The following OSBPL10 variants were observed in gnomAD, a reference collection of about 807,000 sequenced individuals.
The protein encoded by OSBPL10 is oxysterol binding protein like 10.
A neutral mutation model predicts 81.7 loss-of-function variants in OSBPL10; 49 were observed. That is an observed-to-expected ratio of 0.60 (90% CI 0.48 to 0.76). The LOEUF is 0.76. OSBPL10 is among the 30% of genes least tolerant of loss of function. The pLI is 0.00. For missense variants in OSBPL10, 923 were observed against 987.8 expected (o/e 0.93, Z 0.88); for synonymous variants, 419 against 383.6 (o/e 1.09, Z -1.08).
At chr3:31,898,951 C>CTTTTTTTT (rs201574850) in intron 1 of OSBPL10, among the ~76,000 whole-genome samples, 2 of 87,344 alleles carry the variant, frequency 2.3e-5, no homozygotes, top group Non-Finnish European at 4.2e-5. Flanking sequence ...AACTTTAAAC[C>CTTTTTTTT]TTTTTTTTTT....
chr3:31,686,657 T>C (rs1665009922), intron 7 of OSBPL10, among the ~76,000 whole-genome samples: 1 of 152,214 alleles, frequency 6.6e-6, no homozygotes. Flanking sequence ...AATGGAGGTT[T>C]CCTAATTTTC....
intron 5 of OSBPL10, among the ~76,000 whole-genome samples, chr3:31,739,438 T>C (rs114194842): frequency 2.1e-3 from 327 of 152,314 alleles, no homozygotes; most frequent in African/African-American, 7.2e-3. Context: ...GATTCATATG[T>C]TGAAGTCCTA....
intron 7 of OSBPL10, among the ~76,000 whole-genome samples, chr3:31,688,134 G>A (rs1700839634): frequency 6.6e-6 from 1 of 151,906 alleles, no homozygotes; most frequent in Non-Finnish European, 1.5e-5. Flanking sequence ...CCAGCATCCT[G>A]CCATACCTCC....
intron 1 of OSBPL10, among the ~76,000 whole-genome samples, chr3:31,883,169 T>C (rs540350608): frequency 2.6e-5 from 4 of 152,064 alleles, no homozygotes; most frequent in African/African-American, 9.6e-5. Flanking sequence ...CTACAGCACG[T>C]TGTGCCATGT....
chr3:32,050,822 C>T (rs747519694), intron 1 of OSBPL10, among the ~76,000 whole-genome samples: 4 of 151,960 alleles, frequency 2.6e-5, no homozygotes, highest in African/African-American at 4.8e-5. Context: ...CTACCATGCC[C>T]GGCTAATTTT....
At chr3:31,812,713 A>C (rs1699712853) in intron 4 of OSBPL10, among the ~76,000 whole-genome samples, 3 of 43,570 alleles carry the variant, frequency 6.9e-5, no homozygotes, top group African/African-American at 1.5e-4. Flanking sequence ...CACAGTAGGC[A>C]AAAAAAAAGA....
chr3:31,711,361 T>C (rs1696246395), intron 6 of OSBPL10, among the ~76,000 whole-genome samples: 1 of 152,160 alleles, frequency 6.6e-6, no homozygotes, highest in African/African-American at 2.4e-5. Context: ...TGTGATCAAT[T>C]AGTAATATCA....
At chr3:31,818,000 AGAGGCT>A (rs1284426271) in intron 4 of OSBPL10, among the ~76,000 whole-genome samples, 2 of 152,154 alleles carry the variant, frequency 1.3e-5, no homozygotes, top group Non-Finnish European at 2.9e-5. Context: ...CAGATACTTG[AGAGGCT>A]GAGGTAGGAG....
chr3:31,794,545 C>T (rs1352837805), intron 4 of OSBPL10: 2 of 346,846 alleles, frequency 5.8e-6, no homozygotes, highest in East Asian at 8.3e-5. Flanking sequence ...GAACTTTTCC[C>T]AGAAGAAATG....
chr3:31,912,134 G>A (rs775171879), intron 1 of OSBPL10, among the ~76,000 whole-genome samples: 18 of 152,152 alleles, frequency 1.2e-4, no homozygotes, highest in Non-Finnish European at 8.8e-5. Flanking sequence ...AGTGGCTCAC[G>A]CCTGTAATCC....
chr3:31,717,490 G>C (rs1696481174), intron 6 of OSBPL10, among the ~76,000 whole-genome samples: 1 of 152,094 alleles, frequency 6.6e-6, no homozygotes, highest in African/African-American at 2.4e-5. Flanking sequence ...ACAGGCTCTA[G>C]CATTTTGTAG....
intron 1 of OSBPL10, among the ~76,000 whole-genome samples, chr3:31,908,410 T>C (rs931700753): frequency 1.3e-5 from 2 of 152,182 alleles, no homozygotes; most frequent in Non-Finnish European, 2.9e-5. Context: ...CCTGTGCAGA[T>C]TGGTCACATG....
In OSBPL10 at chr3:31,908,569, G is replaced by A. The variant is rs111752093; in HGVS notation, c.282-28739C>T. On this transcript the variant is annotated intron_variant, in intron 1 of 11. Coordinates refer to ENST00000396556, the MANE Select transcript of OSBPL10 (RefSeq NM_017784.5). The stretch of plus-strand genomic sequence containing the variant: ...AATGGTGCCAGGTGTTTTTTGCCAC[G>A]TAAATGCCCTAATTGTGTCGGATGT... 2.1e-3 allele frequency among the ~76,000 whole-genome samples: 317 copies of A among 152,254 alleles called. 2 individuals carry two copies. The highest frequency in any genetic ancestry group is 6.4e-3 in the African/African-American group (266 of 41,554).
At chr3:31,851,482 CCA>C (rs1167424558) in intron 3 of OSBPL10, among the ~76,000 whole-genome samples, 2 of 152,192 alleles carry the variant, frequency 1.3e-5, no homozygotes, top group Non-Finnish European at 2.9e-5. Flanking sequence ...CGCTGTCGGT[CCA>C]CACCATGGCA....
At chr3:31,920,353 C>G (rs1222922399) in intron 1 of OSBPL10, among the ~76,000 whole-genome samples, 5 of 152,124 alleles carry the variant, frequency 3.3e-5, no homozygotes, top group African/African-American at 4.8e-5. Context: ...GGAAAGAACC[C>G]AGCCTGTGAC....
At chr3:31,812,731 AAAG>A (rs1699720801) in intron 4 of OSBPL10, among the ~76,000 whole-genome samples, 5 of 18,148 alleles carry the variant, frequency 2.8e-4, no homozygotes, top group Middle Eastern at 0.029. Flanking sequence ...AGAAAGAAAG[AAAG>A]AAAGAAAGAA....
At chr3:31,939,171 G>C (rs532618878) in intron 1 of OSBPL10, among the ~76,000 whole-genome samples, 6 of 127,198 alleles carry the variant, frequency 4.7e-5, no homozygotes, top group African/African-American at 1.9e-4. Flanking sequence ...TTGAGACAGA[G>C]TTTCACTCTG....
chr3:31,688,283 T>TCTCACACACACACACA (rs1246299416), intron 7 of OSBPL10, among the ~76,000 whole-genome samples: 5 of 115,404 alleles, frequency 4.3e-5, no homozygotes, highest in Admixed American at 3.7e-4. Flanking sequence ...TCTCTCTCTC[T>TCTCACACACACACACA]CACACACACA....
chr3:31,968,481 TAG>T (rs1188164867), intron 1 of OSBPL10, among the ~76,000 whole-genome samples: 2 of 151,252 alleles, frequency 1.3e-5, no homozygotes, highest in Non-Finnish European at 2.9e-5. Context: ...TCATCCAAGT[TAG>T]GTCATGCTTT....
Sources: gnomAD v4.1 joint callset for allele counts (sites outside exome capture counted in the v4.1 genomes callset) on GRCh38, gnomAD v4.1.1 for gene constraint, MANE v1.5 for transcripts, NCBI Gene and HGNC (gene_info 2026-07-23, HGNC 2026-07-21) for gene names.